GLB1L3: variants seen among roughly 807,000 people sequenced by gnomAD.
GLB1L3 encodes the protein galactosidase beta 1 like 3, also known as beta-galactosidase-1-like protein 3.
Under a neutral mutation model 89.5 loss-of-function variants are expected in GLB1L3, and 89 were observed. That is an observed-to-expected ratio of 0.99 (90% CI 0.84 to 1.19). The LOEUF (loss-of-function observed/expected upper bound fraction) is 1.19, where lower values mean the gene tolerates loss of function less well. GLB1L3 is among the 50% of genes most tolerant of loss of function. The pLI is 0.00. For synonymous variants in GLB1L3, 314 were observed against 312.3 expected, an observed-to-expected ratio of 1.01 and a Z score of -0.06; for missense variants, 812 against 813.3, an observed-to-expected ratio of 1.00 and a Z score of 0.02.
chr11:134,321,565 T>C (rs186035871), downstream of GLB1L3, among the ~76,000 whole-genome samples: 6 of 152,276 alleles, frequency 3.9e-5, no homozygotes, highest in Admixed American at 2.0e-4. Context: ...ATGGCACATA[T>C]ACTCCATGGA....
rs1451133151 is a variant in GLB1L3, at chr11:134,314,453, C to G, written c.1779+12C>G. 2.0e-6 allele frequency: 3 copies of G among 1,473,938 alleles called. No homozygotes were observed. In the African/African-American group the frequency reaches 4.2e-5, roughly 21 times the overall value. 91.3% of individuals were successfully genotyped at this position (1,473,938 alleles called of 1,614,324 possible). On this transcript the variant is annotated intron_variant, in intron 18 of 19. Coordinates refer to ENST00000431683, the MANE Select transcript of GLB1L3 (RefSeq NM_001080407.3). ...TCCTGAGCCTGCTGGTAGGTGATGCCCTCTGCTGCCCTGGTGTTCCAAACA... is the reference window on the plus strand; with the variant it reads ...TCCTGAGCCTGCTGGTAGGTGATGCGCTCTGCTGCCCTGGTGTTCCAAACA...
intron 7 of GLB1L3, among the ~76,000 whole-genome samples, chr11:134,291,924 AT>A (rs1941383525): frequency 6.6e-6 from 1 of 152,208 alleles, no homozygotes; most frequent in Admixed American, 6.5e-5. Context: ...ATAGTGAGCT[AT>A]GATCGTGCCA....
chr11:134,297,876 A>AAAAAAAAAAAG (rs1555077361), intron 9 of GLB1L3, among the ~76,000 whole-genome samples: 9 of 110,838 alleles, frequency 8.1e-5, no homozygotes, highest in Non-Finnish European at 1.4e-4. Flanking sequence ...AAAAAAAAAA[A>AAAAAAAAAAAG]AAAGAAAGAA....
At position 134,293,228 on chromosome 11, in the gene GLB1L3, G is replaced by T; in HGVS notation, c.876+19G>T. ...AGTCCAGGTAAGACATTTCAGACAG[G>T]CAGGGTTTTACAGCTCCTCCTACCA... On this transcript the variant is annotated intron_variant, in intron 9 of 19. Coordinates refer to ENST00000431683, the MANE Select transcript of GLB1L3 (RefSeq NM_001080407.3). The T allele has an allele frequency of 6.2e-7, 1 of 1,607,126 alleles. No individual in the cohort carries two copies. The highest frequency in any genetic ancestry group is 8.5e-7 in the Non-Finnish European group (1 of 1,173,972).
chr11:134,279,526 C>T (rs970031095), intron 3 of GLB1L3, among the ~76,000 whole-genome samples: 1 of 152,058 alleles, frequency 6.6e-6, no homozygotes, highest in East Asian at 1.9e-4. Flanking sequence ...CCACCACACC[C>T]GGCTAATTTT....
intron 1 of GLB1L3, chr11:134,277,057 C>T (rs114908774): frequency 0.01 from 5,757 of 571,080 alleles, 261 homozygotes; most frequent in African/African-American, 0.099. Flanking sequence ...CGCCCGCCTC[C>T]GCCTCTCCCA....
Position 134,306,968 on chromosome 11 carries a change from G to A in GLB1L3, c.877-156G>A, listed in dbSNP as rs539034966. On this transcript the variant is annotated intron_variant, in intron 9 of 19. Transcript: ENST00000431683. ...GAGCTGTGAATGACGGCCAAGGGCC[G>A]TGGGGGAAGAAATACTGGATCAAAA... Among the ~76,000 whole-genome samples, 6 of 152,380 alleles carry A rather than the reference G, an allele frequency of 3.9e-5. No individual in the cohort carries two copies. In the South Asian group the frequency reaches 8.3e-4, roughly 21 times the overall value.
chr11:134,311,266 A>G (rs1942721492), intron 13 of GLB1L3, 96 bp downstream of exon 13: 1 of 872,816 alleles, frequency 1.1e-6, no homozygotes, highest in Admixed American at 1.8e-5. Flanking sequence ...GGGAAAACAA[A>G]TCCTCTGCAT....
intron 9 of GLB1L3, among the ~76,000 whole-genome samples, chr11:134,304,385 C>T (rs1398312210): frequency 6.6e-6 from 1 of 152,102 alleles, no homozygotes; most frequent in East Asian, 1.9e-4. Context: ...AATTGTGAGT[C>T]TTTGATCATA....
chr11:134,314,583 C>T, intron 18 of GLB1L3, 142 bp downstream of exon 18: 1 of 670,230 alleles, frequency 1.5e-6, no homozygotes, highest in Non-Finnish European at 2.6e-6. Flanking sequence ...AGCCTTCCAA[C>T]ATTGATCAGT....
intron 9 of GLB1L3, among the ~76,000 whole-genome samples, chr11:134,301,882 G>A (rs903398992): frequency 2.0e-5 from 3 of 152,032 alleles, no homozygotes; most frequent in East Asian, 1.9e-4. Flanking sequence ...TCAGACATAC[G>A]GAGTTTTTCT....
intron 10 of GLB1L3, among the ~76,000 whole-genome samples, chr11:134,308,404 T>C (rs62647609): frequency 0.015 from 461 of 31,746 alleles, 5 homozygotes; most frequent in Admixed American, 0.043. Context: ...ACCATCACCA[T>C]CACCACCACC....
intron 9 of GLB1L3, among the ~76,000 whole-genome samples, chr11:134,300,331 ATT>A (rs3065410): frequency 0.22 from 29,207 of 131,362 alleles, 3,006 homozygotes; most frequent in African/African-American, 0.24. Flanking sequence ...TATTGACCAC[ATT>A]TTTTTTTTTT....
chr11:134,307,352 C>T, intron 10 of GLB1L3, 144 bp downstream of exon 10: 1 of 628,404 alleles, frequency 1.6e-6, no homozygotes, highest in Non-Finnish European at 2.8e-6. Context: ...TCAGCCAGGC[C>T]CTGAGGATGC....
intron 11 of GLB1L3, 85 bp from the exon 12 acceptor site, chr11:134,310,486 G>A (rs1045954492): frequency 8.2e-6 from 8 of 976,878 alleles, no homozygotes; most frequent in Non-Finnish European, 1.1e-5. Context: ...ACTCACGGTG[G>A]CCCTGGCCAT....
chr11:134,309,586 A>T, intron 10 of GLB1L3, 40 bp from the exon 11 acceptor site: 1 of 1,506,726 alleles, frequency 6.6e-7, no homozygotes, highest in Non-Finnish European at 8.9e-7. Flanking sequence ...TCTCCTCTTA[A>T]TTTCTAACAT....
At chr11:134,323,408 C>CGT (rs1236997383), downstream of GLB1L3, among the ~76,000 whole-genome samples, 10 of 151,668 alleles carry the variant, frequency 6.6e-5, no homozygotes, top group African/African-American at 1.7e-4. Context: ...CACACACACA[C>CGT]ACACACACAC....
intron 6 of GLB1L3, among the ~76,000 whole-genome samples, chr11:134,285,935 G>A (rs1440608580): frequency 6.8e-6 from 1 of 146,308 alleles, no homozygotes; most frequent in Non-Finnish European, 1.5e-5. Flanking sequence ...TGGAGACGGA[G>A]TCTCACTCTG....
rs1272319043 is a variant in GLB1L3 at position 134,310,487 on chromosome 11, C to T, written c.1100-84C>T. 5.0e-6 allele frequency: 5 copies of T among 1,000,746 alleles called. No individual in the cohort carries two copies. The East Asian group carries it at 7.6e-5, about 15-fold the overall frequency. The allele number at this position is 1,000,746 out of a possible 1,614,324, so 62.0% of individuals were successfully genotyped here. On this transcript the variant is annotated intron_variant, in intron 11 of 19. Transcript: ENST00000431683. ...CTTCCTTTTGTCTCACTCACGGTGG[C>T]CCTGGCCATCTCCTGCCAGCGGTGC...
Sources: allele counts gnomAD v4.1 joint callset (sites outside exome capture counted in the v4.1 genomes callset), GRCh38; gene constraint gnomAD v4.1.1; transcripts MANE v1.5; gene names NCBI Gene and HGNC (gene_info 2026-07-23, HGNC 2026-07-21).